Variants in SHLD1 observed in about 807,000 individuals in gnomAD.
SHLD1 encodes the protein RINN1-REV7-interacting novel NHEJ regulator 3.
SHLD1 carries 3 observed loss-of-function variants against 5.5 expected under a neutral mutation model. The ratio of observed to expected loss-of-function variants is 0.54; its 90% CI spans 0.25 to 1.40. SHLD1 has a LOEUF of 1.40. SHLD1 is among the 40% of genes most tolerant of loss of function. The pLI, the probability that SHLD1 is intolerant of heterozygous loss-of-function variation, is 0.15. For synonymous variants in SHLD1, 92 were observed against 94.3 expected, an observed-to-expected ratio of 0.98 and a Z score of 0.14; for missense variants, 210 against 244.4, an observed-to-expected ratio of 0.86 and a Z score of 0.94.
chr20:5,863,276 GT>G lies in SHLD1; in HGVS notation c.435del (p.Gln146LysfsTer5). 6.2e-7 allele frequency: 1 copy of G among 1,614,220 alleles called. No individual in the cohort carries two copies. Among genetic ancestry groups the G allele is most frequent in the Non-Finnish European group, 8.5e-7 (1 of 1,180,054 alleles). On this transcript the variant is annotated frameshift_variant, in exon 3 of 3. Transcript: ENST00000303142. LOFTEE classifies it low-confidence loss of function (END_TRUNC). Reference protein sequence around the residue: ...GQESQKYALRSFQMARVIFNR... With the variant: ...GQESQKYALRXFQMARVIFNR... ...GAGAGCCAAAAGTATGCCCTCCGCA[GT>G]TTTCAAATGGCCCGGGTGATCTTCA...
At chr20:5,857,866 A>G (rs868614372) in intron 2 of SHLD1, among the ~76,000 whole-genome samples, 10 of 152,104 alleles carry the variant, frequency 6.6e-5, no homozygotes, top group South Asian at 4.1e-4. Context: ...TTGGGAGGCC[A>G]AGGCAGGTGG....
At chr20:5,821,364 T>C (rs994577020) in intron 2 of SHLD1, among the ~76,000 whole-genome samples, 6 of 151,342 alleles carry the variant, frequency 4.0e-5, no homozygotes, top group African/African-American at 1.5e-4. Context: ...AATACAAAAA[T>C]CAGCCGGGCG....
chr20:5,752,869 A>G (rs902102443), intron 1 of SHLD1, among the ~76,000 whole-genome samples: 4 of 152,078 alleles, frequency 2.6e-5, no homozygotes, highest in African/African-American at 9.7e-5. Context: ...GTCTCAGCTC[A>G]CTGCAACCTC....
chr20:5,862,926 A>C, intron 2 of SHLD1, 98 bp from the exon 3 acceptor site: 1 of 1,045,250 alleles, frequency 9.6e-7, no homozygotes. Context: ...CAGGAACAGT[A>C]AGCATGTTGA....
intron 1 of SHLD1, among the ~76,000 whole-genome samples, chr20:5,768,079 A>G (rs1184182305): frequency 6.6e-6 from 1 of 151,546 alleles, no homozygotes; most frequent in Non-Finnish European, 1.5e-5. Flanking sequence ...GGTTCAAGCA[A>G]TTCTTGGGCC....
chr20:5,777,672 C>T (rs1282133470), intron 2 of SHLD1, among the ~76,000 whole-genome samples: 5 of 149,864 alleles, frequency 3.3e-5, no homozygotes, highest in East Asian at 2.0e-4. Flanking sequence ...TGGGCCCAAG[C>T]GATCCTCCCG....
At chr20:5,808,366 A>T (rs752168686) in intron 2 of SHLD1, among the ~76,000 whole-genome samples, 5 of 152,198 alleles carry the variant, frequency 3.3e-5, no homozygotes, top group Non-Finnish European at 5.9e-5. Flanking sequence ...ACACCTACAG[A>T]TCTATATACA....
chr20:5,863,542 T>G lies in SHLD1; in HGVS notation c.*79T>G. ...AGTGTTGGTGGCCACCCAGATCCCC[T>G]AGGGTCTCTGGCCAGCTCTGTGTGC... On this transcript the variant is annotated 3_prime_UTR_variant, in exon 3 of 3. Transcript: ENST00000303142. 7.1e-7 allele frequency: 1 copy of G among 1,401,662 alleles called. No homozygotes were observed. The highest frequency in any genetic ancestry group is 9.7e-7 in the Non-Finnish European group (1 of 1,029,434). 86.8% of individuals were successfully genotyped at this position (1,401,662 alleles called of 1,614,324 possible).
At chr20:5,836,064 T>G (rs759773347) in intron 2 of SHLD1, among the ~76,000 whole-genome samples, 1 of 151,452 alleles carries the variant, frequency 6.6e-6, no homozygotes, top group Non-Finnish European at 1.5e-5. Flanking sequence ...TTTCTGTCTA[T>G]TTTTTTTTCT....
chr20:5,767,317 T>TTTTA (rs1309480332), intron 1 of SHLD1, among the ~76,000 whole-genome samples: 1 of 152,030 alleles, frequency 6.6e-6, no homozygotes, highest in East Asian at 1.9e-4. Context: ...TTTTTTAAAT[T>TTTTA]TTTAATAGAT....
At chr20:5,819,413 G>C (rs2087579505) in intron 2 of SHLD1, among the ~76,000 whole-genome samples, 1 of 152,166 alleles carries the variant, frequency 6.6e-6, no homozygotes, top group Non-Finnish European at 1.5e-5. Context: ...TGTAATGTTT[G>C]CCTTTGTAAT....
intron 2 of SHLD1, among the ~76,000 whole-genome samples, chr20:5,791,455 T>G (rs2087138221): frequency 1.3e-5 from 2 of 150,952 alleles, no homozygotes; most frequent in South Asian, 4.2e-4. Flanking sequence ...TCCCAGCTAC[T>G]TCGGGAACTG....
Position 5,845,743 on chromosome 20 carries a change from T to C in SHLD1, c.179-17281T>C, listed in dbSNP as rs59991074. Among the ~76,000 whole-genome samples the C allele has an allele frequency of 1.7e-3, 255 of 152,250 alleles. 5 individuals are homozygous for C. In the East Asian group the frequency reaches 0.036, roughly 21 times the overall value. On this transcript the variant is annotated intron_variant, in intron 2 of 2. Transcript: ENST00000303142. ...TTTCACTCCTCATGCCTCTTAACAG[T>C]TTCTAAAAAGGAGATTCTGTCCCCT... is the stretch of plus-strand genomic sequence containing the variant.
chr20:5,802,677 C>T (rs1600137614), intron 2 of SHLD1, among the ~76,000 whole-genome samples: 1 of 151,940 alleles, frequency 6.6e-6, no homozygotes, highest in African/African-American at 2.4e-5. Flanking sequence ...GACAGGGTCT[C>T]ACTCTGTTGC....
chr20:5,833,356 G>A (rs543817209), intron 2 of SHLD1, among the ~76,000 whole-genome samples: 8 of 152,150 alleles, frequency 5.3e-5, no homozygotes, highest in East Asian at 1.9e-4. Flanking sequence ...TCGGACTTCC[G>A]AAATGTTGAA....
intron 2 of SHLD1, among the ~76,000 whole-genome samples, chr20:5,833,214 C>T (rs544100810): frequency 6.6e-6 from 1 of 152,290 alleles, no homozygotes; most frequent in Non-Finnish European, 1.5e-5. Context: ...GAGCTTGTCC[C>T]CAGTTTTGCT....
intron 2 of SHLD1, among the ~76,000 whole-genome samples, chr20:5,858,901 G>A (rs2088123537): frequency 6.6e-6 from 1 of 152,166 alleles, no homozygotes; most frequent in Non-Finnish European, 1.5e-5. Context: ...TTAACAATTG[G>A]ATGCATGCAA....
chr20:5,790,516 G>A (rs868103863), intron 2 of SHLD1, among the ~76,000 whole-genome samples: 1 of 144,344 alleles, frequency 6.9e-6, no homozygotes, highest in South Asian at 2.2e-4. Flanking sequence ...GCAATGGTGC[G>A]ATCTCGGCTC....
intron 1 of SHLD1, among the ~76,000 whole-genome samples, chr20:5,759,339 A>C (rs1446574699): frequency 6.6e-6 from 1 of 151,670 alleles, no homozygotes; most frequent in Non-Finnish European, 1.5e-5. Context: ...AGCTCACTGC[A>C]ACCTCTGCCT....
Sources: gnomAD v4.1 joint callset for allele counts (sites outside exome capture counted in the v4.1 genomes callset) on GRCh38, gnomAD v4.1.1 for gene constraint, MANE v1.5 for transcripts, NCBI Gene and HGNC (gene_info 2026-07-23, HGNC 2026-07-21) for gene names.